SUPT3H: variants seen among roughly 807,000 people sequenced by gnomAD.
SUPT3H encodes the protein transcription initiation protein SPT3 homolog.
Under a neutral mutation model 44.3 loss-of-function variants are expected in SUPT3H, and 44 were observed. That is an observed-to-expected ratio of 0.99 (90% CI 0.78 to 1.28). The LOEUF (loss-of-function observed/expected upper bound fraction) is 1.28, where lower values mean the gene tolerates loss of function less well. SUPT3H is among the 50% of genes most tolerant of loss of function. SUPT3H has a pLI of 0.00. For synonymous variants in SUPT3H, 124 were observed against 125.6 expected, an observed-to-expected ratio of 0.99 and a Z score of 0.09; for missense variants, 380 against 387.1, an observed-to-expected ratio of 0.98 and a Z score of 0.15.
intron 6 of SUPT3H, among the ~76,000 whole-genome samples, chr6:44,981,764 T>C (rs1308709803): frequency 6.6e-6 from 1 of 151,804 alleles, no homozygotes; most frequent in African/African-American, 2.4e-5. Flanking sequence ...TATTCTCTTA[T>C]CTCAGGGAAC....
chr6:45,322,905 A>G (rs1477557452), intron 2 of SUPT3H: 1 of 1,613,104 alleles, frequency 6.2e-7, no homozygotes. Flanking sequence ...ACGTTGTTCC[A>G]AAGACCACCA....
At chr6:44,847,470 C>T (rs996792874) in intron 10 of SUPT3H, among the ~76,000 whole-genome samples, 6 of 151,806 alleles carry the variant, frequency 4.0e-5, no homozygotes, top group Non-Finnish European at 7.4e-5. Flanking sequence ...TAAATGGAAA[C>T]TTAAACAGTT....
At chr6:44,954,718 T>G in intron 7 of SUPT3H, 111 bp from the exon 8 acceptor site, 1 of 658,880 alleles carries the variant, frequency 1.5e-6, no homozygotes, top group Admixed American at 2.9e-5. Context: ...ACACAAAAAA[T>G]AATGCACATA....
chr6:44,973,919 C>T (rs1005855731), intron 6 of SUPT3H, among the ~76,000 whole-genome samples: 1 of 152,242 alleles, frequency 6.6e-6, no homozygotes, highest in East Asian at 1.9e-4. Context: ...ATTCAATTAC[C>T]TTCCACCAGG....
intron 2 of SUPT3H, among the ~76,000 whole-genome samples, chr6:45,109,337 G>A (rs1034541218): frequency 6.6e-6 from 1 of 151,928 alleles, no homozygotes; most frequent in East Asian, 1.9e-4. Context: ...AAGTTACTTC[G>A]AATGTCACTG....
At chr6:45,254,883 C>T (rs1773067261) in intron 2 of SUPT3H, among the ~76,000 whole-genome samples, 1 of 152,094 alleles carries the variant, frequency 6.6e-6, no homozygotes, top group Non-Finnish European at 1.5e-5. Flanking sequence ...CTCATGCCAA[C>T]CTGCTGCATT....
At chr6:44,847,994 T>C (rs1772188973) in intron 10 of SUPT3H, among the ~76,000 whole-genome samples, 1 of 123,840 alleles carries the variant, frequency 8.1e-6, no homozygotes, top group Non-Finnish European at 1.6e-5. Flanking sequence ...TGAGATGGAG[T>C]CTGGCTCTGT....
In SUPT3H at chr6:45,003,723, T is replaced by G; in HGVS notation, c.434A>C (p.Asp145Ala). 6.2e-7 allele frequency: 1 copy of G among 1,613,890 alleles called. No individual in the cohort carries two copies. Among genetic ancestry groups the G allele is most frequent in the Non-Finnish European group, 8.5e-7 (1 of 1,179,868 alleles). Residue 145 changes from aspartate (D) to alanine (A), a missense_variant, in exon 6 of 11, where the codon GAC (aspartate) becomes GCC (alanine). Asp to Ala is a moderately radical substitution (Grantham distance 126, BLOSUM62 -2). Transcript: ENST00000371459. ...KIAQDFLNSI[D>A]QTGELLAMFE... ...CATTGCTAAAAGTTCTCCTGTCTGG[T>G]CAATAGAGTTGAGGAAGTCCTGAGC...
At chr6:44,961,901 G>T in intron 6 of SUPT3H, 73 bp from the exon 7 acceptor site, 2 of 1,148,830 alleles carry the variant, frequency 1.7e-6, no homozygotes, top group South Asian at 2.8e-5. Flanking sequence ...CTTAAACTTA[G>T]AATTGAAGTA....
At chr6:45,297,832 G>C (rs1483687313) in intron 2 of SUPT3H, among the ~76,000 whole-genome samples, 1 of 152,120 alleles carries the variant, frequency 6.6e-6, no homozygotes, top group Non-Finnish European at 1.5e-5. Flanking sequence ...TGTATTTACT[G>C]AATGAACGAT....
At chr6:45,376,127 T>C (rs1172270153) in intron 1 of SUPT3H, among the ~76,000 whole-genome samples, 1 of 152,238 alleles carries the variant, frequency 6.6e-6, no homozygotes, top group East Asian at 1.9e-4. Context: ...GTTAATACTG[T>C]CATAGCTCTC....
At position 44,954,583 on chromosome 6, in the gene SUPT3H, T is replaced by G. The variant is rs1211147090; in HGVS notation, c.605A>C (p.Asp202Ala). Residue 202 changes from aspartate (D) to alanine (A), a missense_variant, in exon 8 of 11, where the codon GAC becomes GCC. By Grantham distance (126) the Asp-to-Ala change is moderately radical (BLOSUM62 -2). Transcript: ENST00000371459. ...CTCCATACTGCTGCAGTCCAACCAG[T>G]CTCGAAATTTGGAAGCTTTTTTGGC... is the stretch of plus-strand genomic sequence containing the variant. ...SFSKKASKFR[D>A]WLDCSSMEIK... The G allele has an allele frequency of 6.2e-7, 1 of 1,611,478 alleles. No homozygotes were observed. Among genetic ancestry groups the G allele is most frequent in the Non-Finnish European group, 8.5e-7 (1 of 1,179,450 alleles).
At chr6:45,336,116 C>A (rs12524323) in intron 2 of SUPT3H, among the ~76,000 whole-genome samples, 54,272 of 151,042 alleles carry the variant, frequency 0.36, 10,432 homozygotes, top group Non-Finnish European at 0.43. Flanking sequence ...CAGAATTCTT[C>A]TATTCTCCCA....
intron 10 of SUPT3H, among the ~76,000 whole-genome samples, chr6:44,905,229 A>G (rs1765803627): frequency 6.6e-6 from 1 of 152,190 alleles, no homozygotes; most frequent in African/African-American, 2.4e-5. Flanking sequence ...CAGAGTGAAC[A>G]GGCAACCTAC....
At chr6:45,114,524 C>T (rs1440313149) in intron 2 of SUPT3H, among the ~76,000 whole-genome samples, 2 of 151,918 alleles carry the variant, frequency 1.3e-5, no homozygotes, top group Non-Finnish European at 2.9e-5. Context: ...TCAAGATTTA[C>T]ATAAGAAAGC....
intron 9 of SUPT3H, among the ~76,000 whole-genome samples, chr6:44,933,809 A>T (rs1770975253): frequency 6.6e-6 from 1 of 151,940 alleles, no homozygotes; most frequent in Non-Finnish European, 1.5e-5. Context: ...ACATATGGCT[A>T]AAAAAAAGGA....
chr6:45,208,342 G>A (rs1763529315), intron 2 of SUPT3H, among the ~76,000 whole-genome samples: 1 of 152,188 alleles, frequency 6.6e-6, no homozygotes, highest in Non-Finnish European at 1.5e-5. Context: ...ACATAAAAGT[G>A]CAAGGTGAAG....
intron 10 of SUPT3H, among the ~76,000 whole-genome samples, chr6:44,846,345 A>C (rs1771867464): frequency 6.6e-6 from 1 of 152,220 alleles, no homozygotes; most frequent in Non-Finnish European, 1.5e-5. Context: ...TTCAAGAGTT[A>C]CACTTACGCA....
chr6:45,039,863 C>T (rs1363445607), intron 3 of SUPT3H, among the ~76,000 whole-genome samples: 1 of 150,206 alleles, frequency 6.7e-6, no homozygotes, highest in Admixed American at 6.6e-5. Context: ...AAAAATTTTG[C>T]TAGATAAATA....
Sources: gnomAD v4.1 joint callset for allele counts (sites outside exome capture counted in the v4.1 genomes callset) on GRCh38, gnomAD v4.1.1 for gene constraint, MANE v1.5 for transcripts, NCBI Gene and HGNC (gene_info 2026-07-23, HGNC 2026-07-21) for gene names.